Variants in GPC5 observed in about 807,000 individuals in gnomAD.
GPC5 encodes the protein glypican-5.
GPC5 carries 47 observed loss-of-function variants against 53.9 expected under a neutral mutation model. That is an observed-to-expected ratio of 0.87 (90% CI 0.69 to 1.11). The LOEUF (loss-of-function observed/expected upper bound fraction) is 1.11. Among genes scored for constraint, GPC5 ranks in the 50% most tolerant of loss-of-function variants. GPC5 has a pLI of 0.00. For synonymous variants in GPC5, 286 were observed against 263.3 expected (o/e 1.09, Z -0.84); for missense variants, 748 against 713.1 (o/e 1.05, Z -0.56).
rs141620556 is a variant in GPC5 at position 92,228,260 on chromosome 13, G to C, written c.1561+83271G>C. Among the ~76,000 whole-genome samples, 334 of 151,922 alleles carry C rather than the reference G, an allele frequency of 2.2e-3. 1 individual carries two copies. The highest frequency in any genetic ancestry group is 7.8e-3 in the African/African-American group (323 of 41,444). On this transcript the variant is annotated intron_variant, in intron 7 of 7. Transcript: ENST00000377067. ...TTGTTCACGAGCCAGCTATACAGTT[G>C]ATTTCTCCAAAGAGTTGAATGAAAC...
intron 7 of GPC5, among the ~76,000 whole-genome samples, chr13:92,308,719 A>G (rs2043127078): frequency 6.6e-6 from 1 of 151,802 alleles, no homozygotes; most frequent in South Asian, 2.1e-4. Context: ...TCAATTCCAT[A>G]AAGATTTGTG....
chr13:92,737,021 C>G (rs1888953853), intron 7 of GPC5, among the ~76,000 whole-genome samples: 1 of 151,924 alleles, frequency 6.6e-6, no homozygotes, highest in African/African-American at 2.4e-5. Flanking sequence ...CTGTAAGGTT[C>G]TAATTAATTG....
At chr13:92,751,191 C>A (rs909827284) in intron 7 of GPC5, among the ~76,000 whole-genome samples, 1 of 150,170 alleles carries the variant, frequency 6.7e-6, no homozygotes, top group African/African-American at 2.5e-5. Flanking sequence ...TTTCCAAAGA[C>A]TGAACTAGAG....
intron 5 of GPC5, among the ~76,000 whole-genome samples, chr13:91,805,937 C>T (rs529388590): frequency 1.3e-5 from 2 of 149,654 alleles, no homozygotes; most frequent in East Asian, 2.0e-4. Flanking sequence ...GACTAAGATT[C>T]GCCTTTTTAA....
At chr13:92,010,139 C>G (rs1316627024) in intron 6 of GPC5, among the ~76,000 whole-genome samples, 1 of 152,066 alleles carries the variant, frequency 6.6e-6, no homozygotes, top group Admixed American at 6.5e-5. Context: ...ACATTATTAC[C>G]CTGTTTGGGA....
intron 1 of GPC5, among the ~76,000 whole-genome samples, chr13:91,419,122 T>C (rs1878432427): frequency 6.6e-6 from 1 of 152,132 alleles, no homozygotes; most frequent in African/African-American, 2.4e-5. Flanking sequence ...GTTATAAAAC[T>C]TCAAGAATAG....
chr13:92,617,993 C>T (rs1444631637), intron 7 of GPC5, among the ~76,000 whole-genome samples: 1 of 152,214 alleles, frequency 6.6e-6, no homozygotes, highest in East Asian at 1.9e-4. Flanking sequence ...GGAAGTAACA[C>T]CTAATGCTTC....
intron 7 of GPC5, among the ~76,000 whole-genome samples, chr13:92,524,440 A>G (rs1881198241): frequency 1.3e-5 from 2 of 152,130 alleles, no homozygotes; most frequent in Admixed American, 1.3e-4. Context: ...TTCAGTACAG[A>G]CAGAATATTT....
chr13:92,462,971 A>C (rs894204931), intron 7 of GPC5, among the ~76,000 whole-genome samples: 53 of 152,038 alleles, frequency 3.5e-4, no homozygotes, highest in African/African-American at 1.3e-3. Context: ...ATCTGTCAGA[A>C]AGCATGGCAA....
At chr13:91,550,143 T>A (rs1164479863) in intron 2 of GPC5, among the ~76,000 whole-genome samples, 1 of 151,994 alleles carries the variant, frequency 6.6e-6, no homozygotes, top group Non-Finnish European at 1.5e-5. Flanking sequence ...AATCTGAAAA[T>A]GGCTACATAC....
intron 7 of GPC5, among the ~76,000 whole-genome samples, chr13:92,160,466 A>AT: frequency 6.6e-6 from 1 of 152,302 alleles, no homozygotes; most frequent in African/African-American, 2.4e-5. Flanking sequence ...CTGTTTTAGC[A>AT]TTTCCTCCCA....
chr13:92,034,628 A>T (rs1315433110), intron 6 of GPC5, among the ~76,000 whole-genome samples: 4 of 152,210 alleles, frequency 2.6e-5, no homozygotes, highest in African/African-American at 9.7e-5. Flanking sequence ...CTGAATTGAA[A>T]GATGCTTACC....
At chr13:92,527,210 AAAG>A (rs1881363219) in intron 7 of GPC5, among the ~76,000 whole-genome samples, 1 of 32,346 alleles carries the variant, frequency 3.1e-5, no homozygotes, top group Non-Finnish European at 4.8e-5. Context: ...AGAAAGAAAG[AAAG>A]AAAGAAAGAA....
At chr13:92,647,793 G>T (rs1302562868) in intron 7 of GPC5, among the ~76,000 whole-genome samples, 1 of 152,002 alleles carries the variant, frequency 6.6e-6, no homozygotes, top group Non-Finnish European at 1.5e-5. Context: ...TTACTGTATT[G>T]AAATTTAAGT....
At chr13:91,844,507 G>A (rs560190242) in intron 5 of GPC5, among the ~76,000 whole-genome samples, 1 of 152,256 alleles carries the variant, frequency 6.6e-6, no homozygotes, top group East Asian at 1.9e-4. Flanking sequence ...AAAGGCCTGG[G>A]CTGTAGAACC....
intron 7 of GPC5, among the ~76,000 whole-genome samples, chr13:92,684,701 C>G (rs990649664): frequency 6.6e-6 from 1 of 152,152 alleles, no homozygotes; most frequent in African/African-American, 2.4e-5. Flanking sequence ...CTAGCATAAA[C>G]ACTTTTCTGC....
At chr13:91,435,553 A>G (rs1447793449) in intron 1 of GPC5, among the ~76,000 whole-genome samples, 2 of 152,176 alleles carry the variant, frequency 1.3e-5, no homozygotes, top group Non-Finnish European at 2.9e-5. Context: ...ATCATGGTGG[A>G]TAAGCTTTTT....
intron 6 of GPC5, among the ~76,000 whole-genome samples, chr13:92,140,081 G>A (rs1338490314): frequency 6.6e-6 from 1 of 151,970 alleles, no homozygotes; most frequent in African/African-American, 2.4e-5. Context: ...AATATGTGCG[G>A]GATGGAAAAA....
chr13:91,602,055 T>C (rs1371875213), intron 2 of GPC5, among the ~76,000 whole-genome samples: 2 of 152,230 alleles, frequency 1.3e-5, no homozygotes, highest in Non-Finnish European at 2.9e-5. Context: ...GTCTTGCATC[T>C]GGTGTCTTTT....
Sources: allele counts gnomAD v4.1 joint callset (sites outside exome capture counted in the v4.1 genomes callset), GRCh38; gene constraint gnomAD v4.1.1; transcripts MANE v1.5; gene names NCBI Gene and HGNC (gene_info 2026-07-23, HGNC 2026-07-21).